The following LARGE1 variants were observed in gnomAD, a reference collection of about 807,000 sequenced individuals.
The protein encoded by LARGE1 is LARGE xylosyl- and glucuronyltransferase 1, also known as xylosyl- and glucuronyltransferase LARGE1.
A neutral mutation model predicts 87.6 loss-of-function variants in LARGE1; 43 were observed. The observed-to-expected ratio is 0.49, with a 90% confidence interval of 0.38 to 0.63. The LOEUF is 0.63. Ranked by LOEUF, LARGE1 falls within the 30% of genes least tolerant of loss-of-function variation. The pLI, the probability that LARGE1 is intolerant of heterozygous loss-of-function variation, is 0.00. For synonymous variants in LARGE1, 434 were observed against 394.6 expected, an observed-to-expected ratio of 1.10 and a Z score of -1.18; for missense variants, 802 against 1,000.2, an observed-to-expected ratio of 0.80 and a Z score of 2.67.
intron 6 of LARGE1, among the ~76,000 whole-genome samples, chr22:33,442,692 C>T (rs898410702): frequency 1.3e-5 from 2 of 152,084 alleles, no homozygotes; most frequent in Non-Finnish European, 2.9e-5. Context: ...TTTACTTGTG[C>T]TGTCCATATG....
At chr22:33,600,893 C>T (rs1335969596) in intron 5 of LARGE1, among the ~76,000 whole-genome samples, 3 of 152,142 alleles carry the variant, frequency 2.0e-5, no homozygotes, top group East Asian at 1.9e-4. Context: ...GGTGAAACCC[C>T]GTCTTTAATA....
chr22:33,696,238 TC>T (rs1569380046), intron 2 of LARGE1, among the ~76,000 whole-genome samples: 1 of 41,926 alleles, frequency 2.4e-5, no homozygotes, highest in Non-Finnish European at 4.5e-5. Context: ...TCAGTATTTT[TC>T]TTTCTTTCTT....
At chr22:33,482,909 G>A (rs1192954166) in intron 6 of LARGE1, among the ~76,000 whole-genome samples, 2 of 152,174 alleles carry the variant, frequency 1.3e-5, no homozygotes, top group Non-Finnish European at 2.9e-5. Flanking sequence ...CTCCAGGAAG[G>A]TGGGGGTACA....
At chr22:33,668,414 A>C (rs2081322704) in intron 2 of LARGE1, among the ~76,000 whole-genome samples, 3 of 152,204 alleles carry the variant, frequency 2.0e-5, no homozygotes, top group African/African-American at 7.2e-5. Context: ...CGAATAAATG[A>C]GATGAAGCAC....
At chr22:33,338,897 C>A (rs1938808843) in intron 9 of LARGE1, among the ~76,000 whole-genome samples, 1 of 152,046 alleles carries the variant, frequency 6.6e-6, no homozygotes, top group South Asian at 2.1e-4. Flanking sequence ...CCTGTAATGC[C>A]AGCACTTTGG....
chr22:33,472,233 T>C (rs2068874016), intron 6 of LARGE1, among the ~76,000 whole-genome samples: 1 of 152,210 alleles, frequency 6.6e-6, no homozygotes, highest in Non-Finnish European at 1.5e-5. Flanking sequence ...GAGGCAAAGA[T>C]GGCAGTTACC....
intron 1 of LARGE1, among the ~76,000 whole-genome samples, chr22:33,800,179 T>G (rs181677183): frequency 6.6e-6 from 1 of 152,198 alleles, no homozygotes; most frequent in East Asian, 1.9e-4. Flanking sequence ...AAGCTCTGAC[T>G]GCTAAATACC....
chr22:33,264,737 GATGA>G (rs886537670), intron 11 of LARGE1, among the ~76,000 whole-genome samples: 73 of 152,026 alleles, frequency 4.8e-4, no homozygotes, highest in African/African-American at 1.7e-3. Flanking sequence ...CTCTCTGCTT[GATGA>G]AATATTAGAT....
intron 6 of LARGE1, among the ~76,000 whole-genome samples, chr22:33,559,877 T>C (rs927378209): frequency 6.6e-6 from 1 of 152,132 alleles, no homozygotes; most frequent in African/African-American, 2.4e-5. Flanking sequence ...TCTATGCTAA[T>C]TTTGCTTCCC....
intron 6 of LARGE1, among the ~76,000 whole-genome samples, chr22:33,558,814 A>T (rs180701787): frequency 4.1e-4 from 62 of 152,350 alleles, no homozygotes. Context: ...GCTTTTCTAC[A>T]TTATTGTACA....
chr22:33,675,318 A>AAAAAAAAAAAAG (rs56272266), intron 2 of LARGE1, among the ~76,000 whole-genome samples: 1 of 145,792 alleles, frequency 6.9e-6, no homozygotes, highest in African/African-American at 2.5e-5. Context: ...AAAAAAAAAA[A>AAAAAAAAAAAAG]GAACACAAGA....
In LARGE1 at chr22:33,626,837, G is replaced by A. The variant is rs559434578; in HGVS notation, c.409-511C>T. Among the ~76,000 whole-genome samples, 15 of 152,300 alleles carry A rather than the reference G, an allele frequency of 9.8e-5. No individual in the cohort carries two copies. In the South Asian group the frequency reaches 1.5e-3, roughly 15 times the overall value. On this transcript the variant is annotated intron_variant, in intron 3 of 14. Transcript: ENST00000397394. The stretch of plus-strand genomic sequence containing the variant: ...CCATCTGGGATACAGTTCAAAGAAC[G>A]GAAGACTGGCAGAATTGAAGGGAAC...
In LARGE1 at chr22:33,337,812, G is replaced by A; in HGVS notation, c.1132-11C>T. ...GTTCCAGTGAATGACCTGGCAGGGA[G>A]ATAAGGAAGTGGTCAGGTATGGCAG... is the stretch of plus-strand genomic sequence containing the variant. On this transcript the variant is annotated splice_polypyrimidine_tract_variant and intron_variant, in intron 9 of 14. Coordinates refer to ENST00000397394, the MANE Select transcript of LARGE1 (RefSeq NM_133642.5). 2 of 1,614,164 alleles carry A rather than the reference G, an allele frequency of 1.2e-6. No individual in the cohort carries two copies. Among genetic ancestry groups the A allele is most frequent in the Non-Finnish European group, 1.7e-6 (2 of 1,180,022 alleles).
intron 1 of LARGE1, among the ~76,000 whole-genome samples, chr22:33,827,565 C>T (rs2062836800): frequency 6.6e-6 from 1 of 152,148 alleles, no homozygotes. Context: ...AAAGTTCTGG[C>T]CTGAATTCAC....
chr22:33,576,862 T>C (rs1029851252), intron 5 of LARGE1, among the ~76,000 whole-genome samples: 2 of 152,190 alleles, frequency 1.3e-5, no homozygotes, highest in African/African-American at 4.8e-5. Context: ...TTATACAGTA[T>C]TGTTTAGAGC....
the LARGE1 span, among the ~76,000 whole-genome samples, chr22:33,074,173 C>G: frequency 1.3e-5 from 2 of 152,110 alleles, no homozygotes; most frequent in African/African-American, 4.8e-5. Flanking sequence ...TTTGTGTCCC[C>G]CTCCTCACTC....
chr22:33,067,612 A>C, the LARGE1 span, among the ~76,000 whole-genome samples: 1 of 152,290 alleles, frequency 6.6e-6, no homozygotes, highest in Middle Eastern at 3.4e-3. Flanking sequence ...ACACACTCTA[A>C]GAGTGCCAGG....
chr22:33,425,577 C>T (rs569648944), intron 7 of LARGE1, among the ~76,000 whole-genome samples: 3 of 152,112 alleles, frequency 2.0e-5, no homozygotes, highest in East Asian at 1.9e-4. Flanking sequence ...CTATTGAGCA[C>T]GATGTCAGAA....
At chr22:33,522,886 T>G (rs1240864697) in intron 6 of LARGE1, among the ~76,000 whole-genome samples, 1 of 151,086 alleles carries the variant, frequency 6.6e-6, no homozygotes, top group African/African-American at 2.4e-5. Flanking sequence ...CACACACCTG[T>G]AGTCTCAGTT....
Sources: allele counts gnomAD v4.1 joint callset (sites outside exome capture counted in the v4.1 genomes callset), GRCh38; gene constraint gnomAD v4.1.1; transcripts MANE v1.5; gene names NCBI Gene and HGNC (gene_info 2026-07-23, HGNC 2026-07-21).